Variants in KPNA5 observed in about 807,000 individuals in gnomAD.
The protein encoded by KPNA5 is importin subunit alpha-6.
A neutral mutation model predicts 71.3 loss-of-function variants in KPNA5; 46 were observed. The ratio of observed to expected loss-of-function variants is 0.65; its 90% CI spans 0.51 to 0.83. The LOEUF (loss-of-function observed/expected upper bound fraction) is 0.83. KPNA5 is among the 40% of genes least tolerant of loss of function. The pLI, the probability that KPNA5 is intolerant of heterozygous loss-of-function variation, is 0.00. For missense variants in KPNA5, 547 were observed against 628.3 expected, an observed-to-expected ratio of 0.87 and a Z score of 1.38; for synonymous variants, 207 against 201.4, an observed-to-expected ratio of 1.03 and a Z score of -0.24.
intron 11 of KPNA5, 147 bp from the exon 12 acceptor site, chr6:116,726,347 TG>T: frequency 1.6e-6 from 1 of 618,782 alleles, no homozygotes; most frequent in Non-Finnish European, 2.7e-6. Flanking sequence ...TTGAAAAGTT[TG>T]CTGACAGAAT....
intron 7 of KPNA5, among the ~76,000 whole-genome samples, chr6:116,712,004 T>C (rs1243355400): frequency 6.6e-6 from 1 of 152,168 alleles, no homozygotes; most frequent in Non-Finnish European, 1.5e-5. Flanking sequence ...AGTGCAGTGG[T>C]GCAGCCTCGG....
At position 116,725,776 on chromosome 6, in the gene KPNA5, C is replaced by G. The variant is rs1193756349; in HGVS notation, c.1025C>G (p.Pro342Arg). Residue 342 changes from proline (P) to arginine (R), a missense_variant, in exon 11 of 14, where the codon CCC becomes CGC. Transcript: ENST00000368564. Reference protein sequence around the residue: ...TQVILNCSALPCLLHLLSSPK... With the variant: ...TQVILNCSALRCLLHLLSSPK... ...GTAATTTTGAATTGTTCTGCATTACCCTGTCTCTTACATTTATTGAGTAGC... is the reference window on the plus strand; with the variant it reads ...GTAATTTTGAATTGTTCTGCATTACGCTGTCTCTTACATTTATTGAGTAGC... 6.2e-7 allele frequency: 1 copy of G among 1,612,104 alleles called. No individual in the cohort carries two copies. The highest frequency in any genetic ancestry group is 1.3e-5 in the African/African-American group (1 of 74,702).
chr6:116,730,551 A>C (rs1241185855), intron 13 of KPNA5, among the ~76,000 whole-genome samples: 1 of 152,080 alleles, frequency 6.6e-6, no homozygotes, highest in East Asian at 1.9e-4. Flanking sequence ...TCTGGGGATA[A>C]ATTTTCAGGA....
At chr6:116,719,081 GC>G (rs1422016496) in intron 8 of KPNA5, among the ~76,000 whole-genome samples, 1 of 152,142 alleles carries the variant, frequency 6.6e-6, no homozygotes, top group Non-Finnish European at 1.5e-5. Context: ...ACCACACCAA[GC>G]CGGAAATTTT....
At chr6:116,704,872 C>G (rs1778375662) in intron 6 of KPNA5, among the ~76,000 whole-genome samples, 200 bp from the exon 7 acceptor site, 1 of 152,108 alleles carries the variant, frequency 6.6e-6, no homozygotes, top group South Asian at 2.1e-4. Flanking sequence ...CCACCTTGTT[C>G]AGCTGGAAAA....
rs1779827718 is a variant in KPNA5, at chr6:116,740,357, AG to A, written c.*8036del. Reference sequence around the variant, plus strand: ...AGTCAGGAAACAACAGGTGCTGGAGAGGATGTGGAGAAATAGGAACACTTTT... The same window carrying A: ...AGTCAGGAAACAACAGGTGCTGGAGAGATGTGGAGAAATAGGAACACTTTT... On this transcript the variant is annotated 3_prime_UTR_variant, in exon 14 of 14. Transcript: ENST00000368564. 6.6e-6 allele frequency: 1 copy of A among 152,272 alleles called. No homozygotes were observed. The highest frequency in any genetic ancestry group is 2.1e-4 in the South Asian group (1 of 4,820). The allele number at this position is 152,272 out of a possible 1,614,324, so 9.4% of individuals were successfully genotyped here. A position where few individuals can be genotyped will look rare whatever the true frequency, so the allele number is the denominator to read the frequency against.
chr6:116,711,605 A>G (rs966263984), intron 7 of KPNA5, among the ~76,000 whole-genome samples: 1 of 150,802 alleles, frequency 6.6e-6, no homozygotes, highest in Non-Finnish European at 1.5e-5. Flanking sequence ...TACTCTACTC[A>G]TAGTTCTGAA....
chr6:116,722,547 TTAA>T (rs1340231456), intron 9 of KPNA5, among the ~76,000 whole-genome samples: 1 of 152,214 alleles, frequency 6.6e-6, no homozygotes, highest in Non-Finnish European at 1.5e-5. Flanking sequence ...TTAGATAAAC[TTAA>T]TAAGTATTTA....
intron 8 of KPNA5, among the ~76,000 whole-genome samples, chr6:116,717,250 T>C (rs951806912): frequency 2.0e-5 from 3 of 152,150 alleles, no homozygotes; most frequent in Non-Finnish European, 2.9e-5. Flanking sequence ...ACGAATGATG[T>C]CTTAGTATTA....
rs1779110268 is a variant in KPNA5 at position 116,721,631 on chromosome 6, G to C, written c.757-495G>C. 4.6e-5 allele frequency among the ~76,000 whole-genome samples: 7 copies of C among 152,282 alleles called. No homozygotes were observed. In the South Asian group the frequency reaches 1.4e-3, roughly 32 times the overall value. On this transcript the variant is annotated intron_variant, in intron 8 of 13. Coordinates refer to ENST00000368564, the MANE Select transcript of KPNA5 (RefSeq NM_001366306.2). ...AGGTGCTACATGCCTTCTTATCAGT[G>C]TAATAGTTTATTAATGACTTCCACT...
intron 5 of KPNA5, among the ~76,000 whole-genome samples, chr6:116,700,703 A>G (rs1261813662): frequency 1.3e-5 from 2 of 152,224 alleles, no homozygotes; most frequent in Non-Finnish European, 2.9e-5. Context: ...TGAATTAGAT[A>G]TTACATGTTA....
intron 4 of KPNA5, among the ~76,000 whole-genome samples, chr6:116,697,339 A>G (rs953616625): frequency 1.3e-5 from 2 of 152,072 alleles, no homozygotes; most frequent in Non-Finnish European, 2.9e-5. Context: ...AGAACACCCA[A>G]ACAAAACTTG....
At chr6:116,691,072 T>C (rs903842196) in intron 2 of KPNA5, among the ~76,000 whole-genome samples, 2 of 151,782 alleles carry the variant, frequency 1.3e-5, no homozygotes, top group African/African-American at 4.8e-5. Flanking sequence ...CTACTAAAAA[T>C]AAAAAAATTA....
At chr6:116,730,339 A>C (rs867477199) in intron 13 of KPNA5, among the ~76,000 whole-genome samples, 2 of 151,822 alleles carry the variant, frequency 1.3e-5, no homozygotes, top group Non-Finnish European at 2.9e-5. Flanking sequence ...CAGCCACCTC[A>C]ACCTCCCAAA....
chr6:116,695,736 A>G (rs962072139), intron 4 of KPNA5, among the ~76,000 whole-genome samples: 2 of 152,186 alleles, frequency 1.3e-5, no homozygotes, highest in Non-Finnish European at 2.9e-5. Flanking sequence ...TCTTCCTCAC[A>G]ATACTTCACA....
intron 8 of KPNA5, among the ~76,000 whole-genome samples, chr6:116,720,494 C>T (rs1409967861): frequency 2.0e-5 from 3 of 151,950 alleles, no homozygotes; most frequent in Admixed American, 6.6e-5. Context: ...TGTTTTTTAA[C>T]TCAGCGAAAA....
At chr6:116,707,839 A>G (rs1340306865) in intron 7 of KPNA5, among the ~76,000 whole-genome samples, 1 of 152,232 alleles carries the variant, frequency 6.6e-6, no homozygotes, top group Non-Finnish European at 1.5e-5. Flanking sequence ...ACAACATTGT[A>G]CAACTATCAC....
intron 10 of KPNA5, 58 bp downstream of exon 10, chr6:116,724,433 GTT>G: frequency 8.7e-7 from 1 of 1,150,128 alleles, no homozygotes; most frequent in Non-Finnish European, 1.3e-6. Context: ...AAAAATTTAT[GTT>G]TCATACAACT....
In KPNA5 at chr6:116,737,848, T is replaced by A. The variant is rs1358092847; in HGVS notation, c.*5525T>A. On this transcript the variant is annotated 3_prime_UTR_variant, in exon 14 of 14. Coordinates refer to ENST00000368564, the MANE Select transcript of KPNA5 (RefSeq NM_001366306.2). ...TTTCGCTGAATTCAGTTATAGTGAT[T>A]ATAGTCTTTTTACTTATTTCCTTAG... 6.6e-6 allele frequency: 1 copy of A among 151,966 alleles called. No homozygotes were observed. Among genetic ancestry groups the A allele is most frequent in the Non-Finnish European group, 1.5e-5 (1 of 67,920 alleles). 9.4% of individuals were successfully genotyped at this position (151,966 alleles called of 1,614,324 possible).
Sources: gnomAD v4.1 joint callset for allele counts (sites outside exome capture counted in the v4.1 genomes callset) on GRCh38, gnomAD v4.1.1 for gene constraint, MANE v1.5 for transcripts, NCBI Gene and HGNC (gene_info 2026-07-23, HGNC 2026-07-21) for gene names.